The following SLCO1B3 variants were observed in gnomAD, a reference collection of about 807,000 sequenced individuals.
SLCO1B3 encodes the protein solute carrier organic anion transporter family member 1B3.
Under a neutral mutation model 71.8 loss-of-function variants are expected in SLCO1B3, and 72 were observed. The ratio of observed to expected loss-of-function variants is 1.00; its 90% CI spans 0.83 to 1.22. SLCO1B3 has a LOEUF of 1.22. SLCO1B3 is among the 50% of genes most tolerant of loss of function. SLCO1B3 has a pLI of 0.00. For missense variants in SLCO1B3, 911 were observed against 819.7 expected, an observed-to-expected ratio of 1.11 and a Z score of -1.36; for synonymous variants, 298 against 278.4, an observed-to-expected ratio of 1.07 and a Z score of -0.70.
chr12:20,840,626 CA>C (rs1864778098), intron 3 of SLCO1B3, among the ~76,000 whole-genome samples: 1 of 152,038 alleles, frequency 6.6e-6, no homozygotes, highest in African/African-American at 2.4e-5. Flanking sequence ...CTCCTGACCT[CA>C]CAATCCACCA....
At position 20,857,615 on chromosome 12, in the gene SLCO1B3, T is replaced by C. The variant is rs546168465; in HGVS notation, c.227-824T>C. ...ATTCTATGGCTGCAACATGCCATTT[T>C]ACCTCTAAATATACTAACAGGATTT... On this transcript the variant is annotated intron_variant, in intron 4 of 15. Transcript: ENST00000381545. Among the ~76,000 whole-genome samples, 3 of 152,204 alleles carry C rather than the reference T, an allele frequency of 2.0e-5. No homozygotes were observed. In the East Asian group the frequency reaches 5.8e-4, roughly 29 times the overall value.
chr12:20,859,930 C>T (rs1333659296), intron 5 of SLCO1B3, among the ~76,000 whole-genome samples: 1 of 151,780 alleles, frequency 6.6e-6, no homozygotes, highest in East Asian at 1.9e-4. Flanking sequence ...TCTACCCTCA[C>T]CTCCAAGAAA....
At chr12:20,815,417 A>C (rs1038833841) in intron 2 of SLCO1B3, among the ~76,000 whole-genome samples, 9 of 152,112 alleles carry the variant, frequency 5.9e-5, no homozygotes, top group Non-Finnish European at 1.2e-4. Context: ...GTGTGGTTTT[A>C]TATTATTTAC....
chr12:20,860,677 A>G (rs1865243944), intron 5 of SLCO1B3, among the ~76,000 whole-genome samples: 1 of 150,748 alleles, frequency 6.6e-6, no homozygotes. Context: ...CTTTGATGGT[A>G]ACTCAAAGGG....
At chr12:20,812,683 A>G (rs1173563001) in intron 1 of SLCO1B3, among the ~76,000 whole-genome samples, 1 of 152,236 alleles carries the variant, frequency 6.6e-6, no homozygotes, top group African/African-American at 2.4e-5. Context: ...AATGATTCCA[A>G]GAATGGACAT....
At chr12:20,853,451 A>G (rs970456630) in intron 3 of SLCO1B3, among the ~76,000 whole-genome samples, 21 of 151,970 alleles carry the variant, frequency 1.4e-4, no homozygotes, top group African/African-American at 4.8e-4. Flanking sequence ...TCATAATTCA[A>G]TTTTAGTAGG....
chr12:20,876,811 TTAATC>T (rs1865588860), intron 9 of SLCO1B3, among the ~76,000 whole-genome samples: 3 of 152,166 alleles, frequency 2.0e-5, no homozygotes, highest in Non-Finnish European at 2.9e-5. Flanking sequence ...TGTTTCTACT[TTAATC>T]AAATCCATAA....
At chr12:20,832,238 G>T (rs764397774) in intron 3 of SLCO1B3, among the ~76,000 whole-genome samples, 3 of 152,148 alleles carry the variant, frequency 2.0e-5, no homozygotes, top group Non-Finnish European at 2.9e-5. Flanking sequence ...CGTTGTTACT[G>T]AGTTGCATAT....
intron 13 of SLCO1B3, among the ~76,000 whole-genome samples, chr12:20,894,843 G>A (rs545033743): frequency 6.6e-6 from 1 of 152,120 alleles, no homozygotes; most frequent in African/African-American, 2.4e-5. Context: ...TTTTTATGCT[G>A]CTGATAAAGA....
At chr12:20,837,148 G>T (rs1435987514) in intron 3 of SLCO1B3, among the ~76,000 whole-genome samples, 1 of 151,948 alleles carries the variant, frequency 6.6e-6, no homozygotes, top group Non-Finnish European at 1.5e-5. Context: ...TGTGGGATTT[G>T]TAGTGGTATC....
chr12:20,876,603 G>A (rs1865584351), intron 9 of SLCO1B3, among the ~76,000 whole-genome samples: 2 of 152,004 alleles, frequency 1.3e-5, no homozygotes, highest in South Asian at 2.1e-4. Flanking sequence ...TTTCAGCTGC[G>A]TTGGTAGCTT....
intron 3 of SLCO1B3, among the ~76,000 whole-genome samples, chr12:20,836,657 T>G (rs1015595077): frequency 1.3e-5 from 2 of 152,178 alleles, no homozygotes; most frequent in East Asian, 1.9e-4. Context: ...GTTTTGTTTT[T>G]TTGAGATGGA....
At chr12:20,826,220 T>C (rs1014887202) in intron 3 of SLCO1B3, among the ~76,000 whole-genome samples, 12 of 82,220 alleles carry the variant, frequency 1.5e-4, no homozygotes, top group African/African-American at 4.8e-4. Context: ...TTTAGACCTT[T>C]AAGGTAAAAC....
intron 11 of SLCO1B3, among the ~76,000 whole-genome samples, chr12:20,880,182 A>G (rs1306317563): frequency 6.6e-6 from 1 of 151,358 alleles, no homozygotes; most frequent in Non-Finnish European, 1.5e-5. Flanking sequence ...TTTAGTCATA[A>G]TATAAAATTA....
intron 3 of SLCO1B3, among the ~76,000 whole-genome samples, chr12:20,829,642 A>G: frequency 6.6e-6 from 1 of 152,200 alleles, no homozygotes; most frequent in East Asian, 1.9e-4. Context: ...GATCTTGCTC[A>G]AGAAGGAATT....
chr12:20,901,164 A>T (rs1180779838), intron 14 of SLCO1B3, among the ~76,000 whole-genome samples, 186 bp from the exon 15 acceptor site: 1 of 152,182 alleles, frequency 6.6e-6, no homozygotes, highest in Non-Finnish European at 1.5e-5. Context: ...CTGTGACATT[A>T]CCATATGATT....
chr12:20,897,323 C>A (rs969668580), intron 13 of SLCO1B3, among the ~76,000 whole-genome samples: 1 of 152,070 alleles, frequency 6.6e-6, no homozygotes, highest in Non-Finnish European at 1.5e-5. Flanking sequence ...CTATTGAATT[C>A]TTTTCAGAAT....
chr12:20,845,563 G>A (rs1264030021), intron 3 of SLCO1B3, among the ~76,000 whole-genome samples: 1 of 151,976 alleles, frequency 6.6e-6, no homozygotes, highest in African/African-American at 2.4e-5. Flanking sequence ...ACTAAAGCCT[G>A]TTCTCTGGAG....
chr12:20,911,849 C>T (rs1029347897), intron 15 of SLCO1B3, among the ~76,000 whole-genome samples: 1 of 152,084 alleles, frequency 6.6e-6, no homozygotes, highest in African/African-American at 2.4e-5. Flanking sequence ...TGGCAAGGGA[C>T]TCCAATTTTA....
Sources: allele counts gnomAD v4.1 joint callset (sites outside exome capture counted in the v4.1 genomes callset), GRCh38; gene constraint gnomAD v4.1.1; transcripts MANE v1.5; gene names NCBI Gene and HGNC (gene_info 2026-07-23, HGNC 2026-07-21).